MARCHF6: variants seen among roughly 807,000 people sequenced by gnomAD.
The protein encoded by MARCHF6 is E3 ubiquitin-protein ligase MARCHF6.
A neutral mutation model predicts 133.7 loss-of-function variants in MARCHF6; 31 were observed. The ratio of observed to expected loss-of-function variants is 0.23; its 90% CI spans 0.17 to 0.31. The LOEUF (loss-of-function observed/expected upper bound fraction) is 0.31, where lower values mean the gene tolerates loss of function less well. MARCHF6 is among the 10% of genes least tolerant of loss of function. The pLI is 1.00. For synonymous variants in MARCHF6, 395 were observed against 402.5 expected, an observed-to-expected ratio of 0.98 and a Z score of 0.22; for missense variants, 723 against 1,121.6, an observed-to-expected ratio of 0.64 and a Z score of 5.08.
At chr5:10,412,203 A>G (rs1230196556) in intron 19 of MARCHF6, among the ~76,000 whole-genome samples, 1 of 152,210 alleles carries the variant, frequency 6.6e-6, no homozygotes, top group African/African-American at 2.4e-5. Context: ...TGTGGGTCAC[A>G]TGTGTTCAGT....
chr5:10,377,483 A>G (rs1345395492), intron 1 of MARCHF6, among the ~76,000 whole-genome samples: 1 of 152,248 alleles, frequency 6.6e-6, no homozygotes, highest in Non-Finnish European at 1.5e-5. Flanking sequence ...CTGATTTTAC[A>G]TATTTTTATT....
chr5:10,394,820 G>A lies in MARCHF6; in HGVS notation c.861+35G>A, dbSNP rs767078730. 112 of 1,154,556 alleles carry A rather than the reference G, an allele frequency of 9.7e-5. 1 individual carries two copies. Among genetic ancestry groups the A allele is most frequent in the Admixed American group, 1.4e-4 (6 of 44,426 alleles). 71.5% of individuals were successfully genotyped at this position (1,154,556 alleles called of 1,614,324 possible). A position where few individuals can be genotyped will look rare whatever the true frequency, so the allele number is the denominator to read the frequency against. On this transcript the variant is annotated intron_variant, in intron 9 of 25. Transcript: ENST00000274140. Reference sequence around the variant, plus strand: ...ACTAATTTTTTTTTTTTTTTTTTGAGACGGAATCTCACTCTGTCACCCAGG... The same window carrying A: ...ACTAATTTTTTTTTTTTTTTTTTGAAACGGAATCTCACTCTGTCACCCAGG...
intron 10 of MARCHF6, 86 bp from the exon 11 acceptor site, chr5:10,400,698 C>A: frequency 2.1e-6 from 2 of 940,510 alleles, no homozygotes; most frequent in Admixed American, 1.8e-5. Flanking sequence ...TCCAAGAAGC[C>A]CTAGTTCCTT....
intron 21 of MARCHF6, among the ~76,000 whole-genome samples, chr5:10,417,066 A>G (rs979233447): frequency 4.6e-5 from 7 of 152,160 alleles, no homozygotes; most frequent in African/African-American, 1.7e-4. Flanking sequence ...GGATTGTGAG[A>G]AAAAAACAGC....
chr5:10,412,885 A>G (rs1361639004), intron 19 of MARCHF6, among the ~76,000 whole-genome samples: 1 of 152,068 alleles, frequency 6.6e-6, no homozygotes, highest in African/African-American at 2.4e-5. Flanking sequence ...AATTGAATAT[A>G]TTTAGAGGGT....
At position 10,354,267 on chromosome 5, in the gene MARCHF6, G is replaced by A. The variant is rs537153567; in HGVS notation, c.19+350G>A. Among the ~76,000 whole-genome samples, 5 of 152,256 alleles carry A rather than the reference G, an allele frequency of 3.3e-5. No homozygotes were observed. The South Asian group carries it at 8.3e-4, about 25-fold the overall frequency. On this transcript the variant is annotated intron_variant, in intron 1 of 25. Coordinates refer to ENST00000274140, the MANE Select transcript of MARCHF6 (RefSeq NM_005885.4). Reference sequence around the variant, plus strand: ...TCGCTGCCGTCCGGGGGCGTTTTCCGCACCCTTCCCCCACTGGGTTTTGTC... The same window carrying A: ...TCGCTGCCGTCCGGGGGCGTTTTCCACACCCTTCCCCCACTGGGTTTTGTC...
In MARCHF6 at chr5:10,440,141, A is replaced by T. The variant is rs1342113487; in HGVS notation, c.*6457A>T. Reference sequence around the variant, plus strand: ...CTTGAATGTAAGCTCCAAAGATTTTATTTTTTTAAACTGAATTATTACTGT... The same window carrying T: ...CTTGAATGTAAGCTCCAAAGATTTTTTTTTTTTAAACTGAATTATTACTGT... On this transcript the variant is annotated 3_prime_UTR_variant, in exon 26 of 26. Transcript: ENST00000274140. The T allele has an allele frequency of 6.6e-6, 1 of 152,172 alleles. No individual in the cohort carries two copies. The highest frequency in any genetic ancestry group is 1.5e-5 in the Non-Finnish European group (1 of 68,024). The allele number at this position is 152,172 out of a possible 1,614,324, so 9.4% of individuals were successfully genotyped here.
At chr5:10,362,373 G>C (rs865971471) in intron 1 of MARCHF6, among the ~76,000 whole-genome samples, 20 of 152,124 alleles carry the variant, frequency 1.3e-4, no homozygotes. Context: ...CTATTGAATG[G>C]AACAGTTTGA....
At chr5:10,394,869 G>T in intron 9 of MARCHF6, 84 bp downstream of exon 9, 1 of 793,468 alleles carries the variant, frequency 1.3e-6, no homozygotes, top group Non-Finnish European at 2.0e-6. Flanking sequence ...GCGTGATCTT[G>T]GCTCACTGCA....
chr5:10,371,625 G>A (rs971968290), intron 1 of MARCHF6, among the ~76,000 whole-genome samples: 13 of 152,152 alleles, frequency 8.5e-5, no homozygotes, highest in African/African-American at 3.1e-4. Context: ...TCAATTACCT[G>A]GGTCCCTCCC....
chr5:10,368,423 A>G (rs1356363603), intron 1 of MARCHF6, among the ~76,000 whole-genome samples: 1 of 152,164 alleles, frequency 6.6e-6, no homozygotes, highest in East Asian at 1.9e-4. Context: ...GCTTGAGCCC[A>G]GGAGTTTGAG....
Position 10,415,600 on chromosome 5 carries a change from G to A in MARCHF6, c.2079G>A (p.Thr693=), listed in dbSNP as rs1436406165. ...YVCWLTIRAV[T]VMVAWMPQGR... ...GCTGGCTAACCATAAGGGCTGTGAC[G>A]GTGATGGTGGCATGGATGCCTCAGG... The change falls in exon 21 of 26, where the codon ACG becomes ACA. Residue 693 remains threonine (T), a synonymous_variant. Transcript: ENST00000274140. The A allele has an allele frequency of 6.8e-6, 11 of 1,614,036 alleles. No individual in the cohort carries two copies. Among genetic ancestry groups the A allele is most frequent in the African/African-American group, 2.7e-5 (2 of 74,924 alleles).
In MARCHF6 at chr5:10,433,655, C is replaced by G. The variant is rs1740473965; in HGVS notation, c.2704C>G (p.Pro902Ala). ...ERKSGKQGSS[P>A]PPPQSSQE The stretch of plus-strand genomic sequence containing the variant: ...GAAATCTGGCAAACAAGGCTCATCT[C>G]CACCACCTCCACAGTCATCCCAAGA... The change falls in exon 26 of 26, where the codon CCA (proline) becomes GCA (alanine). Residue 902 changes from proline (P) to alanine (A), a missense_variant. Transcript: ENST00000274140. The G allele has an allele frequency of 6.2e-7, 1 of 1,614,078 alleles. No homozygotes were observed. The highest frequency in any genetic ancestry group is 8.5e-7 in the Non-Finnish European group (1 of 1,180,024).
chr5:10,395,728 C>T (rs192613011), intron 9 of MARCHF6, among the ~76,000 whole-genome samples: 2 of 152,248 alleles, frequency 1.3e-5, no homozygotes, highest in East Asian at 3.9e-4. Context: ...GATCCATAGG[C>T]CCAACAATGT....
At chr5:10,414,127 A>C (rs568671180) in intron 19 of MARCHF6, among the ~76,000 whole-genome samples, 11 of 141,896 alleles carry the variant, frequency 7.8e-5, no homozygotes, top group African/African-American at 3.0e-4. Context: ...GAATGTTTTT[A>C]ATTTGTAATG....
At chr5:10,411,591 C>G in intron 19 of MARCHF6, 54 bp downstream of exon 19, 1 of 1,439,170 alleles carries the variant, frequency 6.9e-7, no homozygotes, top group South Asian at 1.3e-5. Context: ...TTTTTTTGTT[C>G]TCCAAATTGC....
intron 10 of MARCHF6, among the ~76,000 whole-genome samples, chr5:10,398,592 T>A (rs1386259690): frequency 6.6e-6 from 1 of 152,142 alleles, no homozygotes; most frequent in Non-Finnish European, 1.5e-5. Context: ...CTGCATTTTT[T>A]TTTTTTGAGA....
At chr5:10,433,491 A>C (rs1264712260) in intron 25 of MARCHF6, 103 bp from the exon 26 acceptor site, 1 of 836,732 alleles carries the variant, frequency 1.2e-6, no homozygotes, top group Non-Finnish European at 2.0e-6. Flanking sequence ...GACTTGCCCA[A>C]CCATTGACGA....
At chr5:10,354,402 G>C (rs1735315099) in intron 1 of MARCHF6, among the ~76,000 whole-genome samples, 2 of 152,324 alleles carry the variant, frequency 1.3e-5, no homozygotes, top group Middle Eastern at 6.8e-3. Context: ...TGACGGCCGA[G>C]TGGAGTGAGC....
Sources: allele counts gnomAD v4.1 joint callset (sites outside exome capture counted in the v4.1 genomes callset), GRCh38; gene constraint gnomAD v4.1.1; transcripts MANE v1.5; gene names NCBI Gene and HGNC (gene_info 2026-07-23, HGNC 2026-07-21).